Variants in BMP2K observed in about 807,000 individuals in gnomAD.
BMP2K encodes BMP2 inducible kinase, also known as BMP-2-inducible protein kinase.
Under a neutral mutation model 116.0 loss-of-function variants are expected in BMP2K, and 74 were observed. The observed-to-expected ratio is 0.64, with a 90% CI of 0.53 to 0.77. BMP2K has a LOEUF of 0.77. Ranked by LOEUF, BMP2K falls within the 30% of genes least tolerant of loss-of-function variation. BMP2K has a pLI of 0.00. For missense variants in BMP2K, 1,365 were observed against 1,403.6 expected, an observed-to-expected ratio of 0.97 and a Z score of 0.44; for synonymous variants, 486 against 502.5, an observed-to-expected ratio of 0.97 and a Z score of 0.44.
intron 3 of BMP2K, among the ~76,000 whole-genome samples, chr4:78,835,275 C>G (rs1017138481): frequency 1.3e-5 from 2 of 152,006 alleles, no homozygotes; most frequent in Non-Finnish European, 2.9e-5. Context: ...TCATCAAGCT[C>G]TGTGGTATAT....
intron 2 of BMP2K, among the ~76,000 whole-genome samples, chr4:78,828,570 A>T (rs892881365): frequency 2.6e-5 from 4 of 152,146 alleles, no homozygotes; most frequent in African/African-American, 9.7e-5. Flanking sequence ...GGCAGGTGAA[A>T]GGAGGGCAGG....
chr4:78,793,668 G>A (rs1465311956), intron 1 of BMP2K, among the ~76,000 whole-genome samples: 2 of 152,086 alleles, frequency 1.3e-5, no homozygotes, highest in Non-Finnish European at 2.9e-5. Flanking sequence ...GTAGCCACAT[G>A]TGGCTATAGA....
At chr4:78,818,471 TGGTA>T (rs1729463978) in intron 1 of BMP2K, among the ~76,000 whole-genome samples, 9 of 152,236 alleles carry the variant, frequency 5.9e-5, no homozygotes, top group Non-Finnish European at 1.3e-4. Flanking sequence ...TGGCGTGAGA[TGGTA>T]TCTCATTGTG....
At chr4:78,837,050 G>A (rs948702942) in intron 3 of BMP2K, among the ~76,000 whole-genome samples, 11 of 152,002 alleles carry the variant, frequency 7.2e-5, no homozygotes, top group African/African-American at 2.4e-4. Context: ...AATGTTCTGA[G>A]CTTTCTAGAT....
At chr4:78,857,178 C>T (rs1046557693) in intron 7 of BMP2K, among the ~76,000 whole-genome samples, 1 of 152,064 alleles carries the variant, frequency 6.6e-6, no homozygotes, top group Non-Finnish European at 1.5e-5. Flanking sequence ...TATTAATGTA[C>T]TGTAATATTT....
chr4:78,829,914 G>T (rs1730127520), intron 2 of BMP2K, among the ~76,000 whole-genome samples: 3 of 150,630 alleles, frequency 2.0e-5, no homozygotes, highest in Non-Finnish European at 4.4e-5. Context: ...GTGGTGGTGT[G>T]ATCTTGGCTC....
At chr4:78,887,358 GAAGT>G in intron 15 of BMP2K, 74 bp downstream of exon 15, 1 of 1,073,180 alleles carries the variant, frequency 9.3e-7, no homozygotes, top group Non-Finnish European at 1.4e-6. Flanking sequence ...TTATAAAGTG[GAAGT>G]AAGACTCTGA....
rs1560539456 is a variant in BMP2K, at chr4:78,872,676, A to G, written c.1671A>G (p.Gln557=). The change falls in exon 13 of 16, where the codon CAA becomes CAG. Residue 557 remains glutamine (Q), a synonymous_variant. Coordinates refer to ENST00000502613, the MANE Select transcript of BMP2K (RefSeq NM_198892.2). Reference sequence around the variant, plus strand: ...TGCTAGCTCAACATCAGCCGTCTCAACAACAGGCATCACCTGAATATCTTA... The same window carrying G: ...TGCTAGCTCAACATCAGCCGTCTCAGCAACAGGCATCACCTGAATATCTTA... The part of the protein sequence containing the change: ...QQMLAQHQPS[Q]QQASPEYLTS... 2 of 1,614,028 alleles carry G rather than the reference A, an allele frequency of 1.2e-6. No individual in the cohort carries two copies. Among genetic ancestry groups the G allele is most frequent in the Non-Finnish European group, 1.7e-6 (2 of 1,179,998 alleles).
chr4:78,783,939 T>C (rs1389571636), intron 1 of BMP2K, among the ~76,000 whole-genome samples: 1 of 152,232 alleles, frequency 6.6e-6, no homozygotes, highest in African/African-American at 2.4e-5. Flanking sequence ...CTGGGCAGAT[T>C]GAAAAGGCTA....
intron 2 of BMP2K, among the ~76,000 whole-genome samples, chr4:78,827,281 A>G (rs543715760): frequency 6.6e-6 from 1 of 150,386 alleles, no homozygotes; most frequent in East Asian, 2.0e-4. Flanking sequence ...TTTGTATTCC[A>G]TTGCATAAGC....
chr4:78,871,865 C>G lies in BMP2K; in HGVS notation c.1525C>G (p.Gln509Glu), dbSNP rs1424818729. 1 of 1,612,286 alleles carries G rather than the reference C, an allele frequency of 6.2e-7. No homozygotes were observed. The change falls in exon 12 of 16, where the codon CAG becomes GAG. Residue 509 changes from glutamine to glutamate, a missense_variant. Around this residue, in one of 3 missense-constraint regions of BMP2K, gnomAD observed 762 missense variants for 756.7 expected, o/e 1.01. Coordinates refer to ENST00000502613, the MANE Select transcript of BMP2K (RefSeq NM_198892.2). The part of the protein sequence containing the change: ...AYMQQYQHAT[Q>E]QQQMLQQQFL... Reference sequence around the variant, plus strand: ...CTCGTTGTAGTATCAACATGCAACACAGCAGCAACAGATGCTTCAACAACA... The same window carrying G: ...CTCGTTGTAGTATCAACATGCAACAGAGCAGCAACAGATGCTTCAACAACA...
At chr4:78,885,327 A>ACT in intron 14 of BMP2K, among the ~76,000 whole-genome samples, 1 of 152,118 alleles carries the variant, frequency 6.6e-6, no homozygotes, top group East Asian at 1.9e-4. Context: ...AATATAATAG[A>ACT]CTCTAGGGCC....
intron 15 of BMP2K, among the ~76,000 whole-genome samples, chr4:78,903,999 A>G (rs1050147949): frequency 6.6e-6 from 1 of 152,110 alleles, no homozygotes; most frequent in Middle Eastern, 3.4e-3. Flanking sequence ...TTTCTTACGT[A>G]TAAAAAGATG....
chr4:78,896,108 T>C (rs1046623482), intron 15 of BMP2K, among the ~76,000 whole-genome samples: 10 of 152,292 alleles, frequency 6.6e-5, no homozygotes, highest in Non-Finnish European at 1.2e-4. Context: ...TAATTTTCTT[T>C]CCTTACCTTT....
At chr4:78,787,799 C>A (rs146208227) in intron 1 of BMP2K, among the ~76,000 whole-genome samples, 2 of 152,192 alleles carry the variant, frequency 1.3e-5, no homozygotes, top group East Asian at 3.9e-4. Context: ...GTAAGCCTGG[C>A]CCAAAGGTCA....
chr4:78,815,153 A>G (rs889585352), intron 1 of BMP2K, among the ~76,000 whole-genome samples: 3 of 152,154 alleles, frequency 2.0e-5, no homozygotes, highest in African/African-American at 7.2e-5. Context: ...TTTTTAGACC[A>G]CTATGGTCAG....
In BMP2K at chr4:78,851,040, C is replaced by T. The variant is rs1731229175; in HGVS notation, c.867C>T (p.Asn289=). 1.2e-6 allele frequency: 2 copies of T among 1,610,362 alleles called. No homozygotes were observed. Among genetic ancestry groups the T allele is most frequent in the Non-Finnish European group, 1.7e-6 (2 of 1,178,014 alleles). ...CAGACAATTCTCGTTACTCCCGTAA[C>T]ATACATTGCTTAATAAGTAAGTATT... ...TIPDNSRYSR[N]IHCLIRFMLE... is the part of the protein sequence containing the mutation. The change falls in exon 7 of 16, where the codon AAC becomes AAT. Residue 289 remains asparagine, a synonymous_variant. Coordinates refer to ENST00000502613, the MANE Select transcript of BMP2K (RefSeq NM_198892.2).
At chr4:78,903,757 C>T (rs755359148) in intron 15 of BMP2K, among the ~76,000 whole-genome samples, 2 of 151,856 alleles carry the variant, frequency 1.3e-5, no homozygotes, top group Non-Finnish European at 2.9e-5. Flanking sequence ...TCATCCTGTT[C>T]GTGGCTTTTA....
intron 2 of BMP2K, among the ~76,000 whole-genome samples, chr4:78,826,787 T>G (rs1030958038): frequency 1.3e-5 from 2 of 152,206 alleles, no homozygotes; most frequent in Non-Finnish European, 2.9e-5. Flanking sequence ...TTTTTTTTCT[T>G]AAATACTTTT....
Sources: gnomAD v4.1 joint callset for allele counts (sites outside exome capture counted in the v4.1 genomes callset) on GRCh38, gnomAD v4.1.1 for gene constraint, gnomAD v4.1.1 regional missense constraint, MANE v1.5 for transcripts, NCBI Gene and HGNC (gene_info 2026-07-23, HGNC 2026-07-21) for gene names.